PPM1H: variants seen among roughly 807,000 people sequenced by gnomAD.
The protein encoded by PPM1H is protein phosphatase, Mg2+/Mn2+ dependent 1H.
PPM1H carries 27 observed loss-of-function variants against 54.9 expected under a neutral mutation model. The observed-to-expected ratio is 0.49, with a 90% CI of 0.36 to 0.68. The LOEUF (loss-of-function observed/expected upper bound fraction) is 0.68. Among genes scored for constraint, PPM1H ranks in the 30% least tolerant of loss-of-function variants. PPM1H has a pLI of 0.00. For synonymous variants in PPM1H, 305 were observed against 270.8 expected (o/e 1.13, Z -1.24); for missense variants, 596 against 667.8 (o/e 0.89, Z 1.19).
chr12:62,661,015 C>T lies in PPM1H; in HGVS notation c.1397+6163G>A, dbSNP rs570872303. Among the ~76,000 whole-genome samples, 7 of 152,234 alleles carry T rather than the reference C, an allele frequency of 4.6e-5. No individual in the cohort carries two copies. In the South Asian group the frequency reaches 6.2e-4, roughly 14 times the overall value. ...CTTCCTTTAACACAAATAATTTTCA[C>T]GTTCATGATCTCATGAGATCATGGG... On this transcript the variant is annotated intron_variant, in intron 9 of 9. Coordinates refer to ENST00000228705, the MANE Select transcript of PPM1H (RefSeq NM_020700.2).
At chr12:62,868,415 TCTGGCAGTGAAGAAC>T (rs1157481237) in intron 1 of PPM1H, among the ~76,000 whole-genome samples, 1 of 152,116 alleles carries the variant, frequency 6.6e-6, no homozygotes, top group Non-Finnish European at 1.5e-5. Context: ...TTGTCTCTGC[TCTGGCAGTGAAGAAC>T]CTGGGTTAAA....
intron 4 of PPM1H, among the ~76,000 whole-genome samples, chr12:62,771,804 C>T (rs1445262817): frequency 6.6e-6 from 1 of 152,130 alleles, no homozygotes; most frequent in African/African-American, 2.4e-5. Context: ...CTTATTTTGC[C>T]ACCATTCCTC....
At chr12:62,743,545 A>G (rs2120547422) in intron 4 of PPM1H, among the ~76,000 whole-genome samples, 2 of 152,226 alleles carry the variant, frequency 1.3e-5, no homozygotes, top group Middle Eastern at 6.8e-3. Flanking sequence ...TCTAAATATT[A>G]AGTGGTTAAG....
At chr12:62,927,340 G>A (rs1169673392) in intron 1 of PPM1H, among the ~76,000 whole-genome samples, 1 of 152,182 alleles carries the variant, frequency 6.6e-6, no homozygotes, top group Non-Finnish European at 1.5e-5. Context: ...CCCTTCAATG[G>A]AATATTAGGC....
chr12:62,790,270 T>C (rs796666045), intron 3 of PPM1H, among the ~76,000 whole-genome samples: 12 of 152,300 alleles, frequency 7.9e-5, no homozygotes, highest in African/African-American at 2.2e-4. Flanking sequence ...CTTAGGGATA[T>C]CATATTGGTT....
chr12:62,842,564 G>A (rs1161718091), intron 1 of PPM1H, among the ~76,000 whole-genome samples: 2 of 152,164 alleles, frequency 1.3e-5, no homozygotes, highest in South Asian at 2.1e-4. Context: ...CTTTCTCCTT[G>A]TTGCTGGATA....
Position 62,844,660 on chromosome 12 carries a change from T to A in PPM1H, c.246-12381A>T, listed in dbSNP as rs868116244. ...TATTTCAATTAGTCAAGGGTAGATG[T>A]GTTCCAAAATGTTGTGTGTTTATTT... On this transcript the variant is annotated intron_variant, in intron 1 of 9. Transcript: ENST00000228705. The surrounding 1 kb of genome is among the most constrained non-coding windows in gnomAD (Gnocchi z 5.2). Among the ~76,000 whole-genome samples the A allele has an allele frequency of 1.3e-5, 2 of 152,240 alleles. No individual in the cohort carries two copies. The highest frequency in any genetic ancestry group is 4.1e-4 in the South Asian group (2 of 4,830).
intron 4 of PPM1H, among the ~76,000 whole-genome samples, chr12:62,743,226 G>A (rs990704949): frequency 6.6e-6 from 1 of 151,988 alleles, no homozygotes; most frequent in Non-Finnish European, 1.5e-5. Context: ...GGTGGCAGGC[G>A]CCTGTAGTCA....
intron 8 of PPM1H, among the ~76,000 whole-genome samples, chr12:62,673,715 C>CTTT (rs567775927): frequency 0.018 from 769 of 41,936 alleles, 183 homozygotes; most frequent in Middle Eastern, 0.071. Flanking sequence ...AAGAGCCACT[C>CTTT]TTTTTTTTTT....
chr12:62,824,720 C>T (rs1014120398), intron 2 of PPM1H, among the ~76,000 whole-genome samples: 1 of 152,138 alleles, frequency 6.6e-6, no homozygotes, highest in Admixed American at 6.5e-5. Flanking sequence ...GAAACTGGAT[C>T]CCTTCCTTAC....
chr12:62,706,598 G>C (rs1565763048), intron 6 of PPM1H, among the ~76,000 whole-genome samples: 1 of 152,182 alleles, frequency 6.6e-6, no homozygotes, highest in South Asian at 2.1e-4. Flanking sequence ...CTGTAAGCTA[G>C]ATAGAAACAT....
intron 1 of PPM1H, among the ~76,000 whole-genome samples, chr12:62,932,082 C>CT (rs76519920): frequency 0.013 from 1,756 of 135,450 alleles, 23 homozygotes; most frequent in African/African-American, 0.027. Context: ...GAGGGGCTGA[C>CT]TTTTTTTTTT....
At chr12:62,904,242 T>A (rs1005790669) in intron 1 of PPM1H, among the ~76,000 whole-genome samples, 1 of 148,702 alleles carries the variant, frequency 6.7e-6, no homozygotes, top group Non-Finnish European at 1.5e-5. Context: ...TCTTCATAAA[T>A]TTTTTTTTTT....
intron 3 of PPM1H, among the ~76,000 whole-genome samples, chr12:62,801,479 G>A (rs771303879): frequency 1.3e-5 from 2 of 152,056 alleles, no homozygotes; most frequent in Admixed American, 6.5e-5. Flanking sequence ...CATCATGCCC[G>A]GCTAATTTTT....
chr12:62,713,647 A>G (rs78180876), intron 6 of PPM1H, among the ~76,000 whole-genome samples: 1 of 152,102 alleles, frequency 6.6e-6, no homozygotes, highest in Non-Finnish European at 1.5e-5. Flanking sequence ...CCCTGTCCAC[A>G]GTTATCAGTA....
intron 4 of PPM1H, among the ~76,000 whole-genome samples, chr12:62,739,569 C>A (rs375622898): frequency 6.6e-6 from 1 of 152,126 alleles, no homozygotes; most frequent in African/African-American, 2.4e-5. Flanking sequence ...TTTTTCTGCA[C>A]GGCCCCTGAA....
intron 8 of PPM1H, among the ~76,000 whole-genome samples, chr12:62,688,717 C>T (rs1159535859): frequency 1.3e-5 from 2 of 152,104 alleles, no homozygotes; most frequent in African/African-American, 2.4e-5. Flanking sequence ...ATGATCAGGC[C>T]AGGTGTGGTA....
intron 4 of PPM1H, among the ~76,000 whole-genome samples, chr12:62,761,094 C>G (rs1039952968): frequency 6.6e-6 from 1 of 152,014 alleles, no homozygotes; most frequent in Non-Finnish European, 1.5e-5. Flanking sequence ...CAAGAGATAA[C>G]AAAACCACAA....
intron 4 of PPM1H, among the ~76,000 whole-genome samples, chr12:62,760,966 A>C (rs553701247): frequency 1.8e-4 from 27 of 152,318 alleles, no homozygotes; most frequent in African/African-American, 6.5e-4. Context: ...GATGTTGTTT[A>C]CTTTCAGTTT....
Sources: allele counts gnomAD v4.1 joint callset (sites outside exome capture counted in the v4.1 genomes callset), GRCh38; gene constraint gnomAD v4.1.1; non-coding constraint Gnocchi (gnomAD v3.1); transcripts MANE v1.5; gene names NCBI Gene and HGNC (gene_info 2026-07-23, HGNC 2026-07-21).